PPA2: variants seen among roughly 807,000 people sequenced by gnomAD.
PPA2 encodes the protein inorganic pyrophosphatase 2, also known as inorganic pyrophosphatase 2, mitochondrial.
PPA2 carries 48 observed loss-of-function variants against 49.5 expected under a neutral mutation model. The observed-to-expected ratio is 0.97, with a 90% CI of 0.77 to 1.23. PPA2 has a LOEUF of 1.23. Ranked by LOEUF, PPA2 falls within the 50% of genes most tolerant of loss-of-function variation. PPA2 has a pLI of 0.00. For missense variants in PPA2, 429 were observed against 410.1 expected, an observed-to-expected ratio of 1.05 and a Z score of -0.40; for synonymous variants, 131 against 139.9, an observed-to-expected ratio of 0.94 and a Z score of 0.45.
chr4:105,406,771 A>G (rs1324640985), intron 7 of PPA2, among the ~76,000 whole-genome samples: 1 of 152,174 alleles, frequency 6.6e-6, no homozygotes, highest in African/African-American at 2.4e-5. Flanking sequence ...GTTGAAAGAA[A>G]TCCATGTATA....
intron 6 of PPA2, among the ~76,000 whole-genome samples, chr4:105,432,377 A>G (rs929761366): frequency 1.3e-5 from 2 of 152,236 alleles, no homozygotes; most frequent in Admixed American, 1.3e-4. Context: ...TTAAAGCAAA[A>G]GAACAAACTT....
chr4:105,473,699 G>C (rs1254773742), intron 1 of PPA2, 195 bp downstream of exon 1: 2 of 892,858 alleles, frequency 2.2e-6, no homozygotes, highest in African/African-American at 3.3e-5. Context: ...TTGATCCGCC[G>C]CCTCCTCGCT....
In PPA2 at chr4:105,425,702, T is replaced by C. The variant is rs191333077; in HGVS notation, c.529-1380A>G. On this transcript the variant is annotated intron_variant, in intron 6 of 11. Coordinates refer to ENST00000341695, the MANE Select transcript of PPA2 (RefSeq NM_176869.3). ...TGATGAAAAGTATAAACCCCACAGA[T>C]TGAGAAAGGACACATGCACATACAC... Among the ~76,000 whole-genome samples, 494 of 143,454 alleles carry C rather than the reference T, an allele frequency of 3.4e-3. 7 individuals are homozygous for C. Among genetic ancestry groups the C allele is most frequent in the Non-Finnish European group, 1.2e-3 (79 of 65,980 alleles). The allele number at this position is 143,454 out of a possible 152,430, so 94.1% of individuals were successfully genotyped here. A position where few individuals can be genotyped will look rare whatever the true frequency, so the allele number is the denominator to read the frequency against.
rs1723390439 is a variant in PPA2 at position 105,424,313 on chromosome 4, A to G, written c.538T>C (p.Cys180Arg). 1 of 1,590,998 alleles carries G rather than the reference A, an allele frequency of 6.3e-7. No homozygotes were observed. Among genetic ancestry groups the G allele is most frequent in the Non-Finnish European group, 8.5e-7 (1 of 1,174,474 alleles). ...VCEIGSKILS[C>R]GEVIHVKILG... is the part of the protein sequence containing the mutation. ...ATCTTCACATGAATAACTTCTCCACAAGAAAGAATCTTTAAAGAAAAAAGA... is the reference window on the plus strand; with the variant it reads ...ATCTTCACATGAATAACTTCTCCACGAGAAAGAATCTTTAAAGAAAAAAGA... The change falls in exon 7 of 12, where the codon TGT (cysteine) becomes CGT (arginine). Residue 180 changes from cysteine to arginine, a missense_variant. Transcript: ENST00000341695.
intron 7 of PPA2, among the ~76,000 whole-genome samples, chr4:105,401,234 A>T (rs1578820238): frequency 6.6e-6 from 1 of 152,156 alleles, no homozygotes; most frequent in East Asian, 1.9e-4. Context: ...TATTCAACAT[A>T]AGAAAACTAC....
chr4:105,456,305 A>C (rs1174135199), intron 2 of PPA2: 3 of 456,142 alleles, frequency 6.6e-6, no homozygotes, highest in South Asian at 4.7e-5. Context: ...GGAAAGAAAA[A>C]TAGCAACTCA....
chr4:105,379,425 G>GTAGATAGATAGA (rs369483034), intron 10 of PPA2, among the ~76,000 whole-genome samples: 1,771 of 140,194 alleles, frequency 0.013, 15 homozygotes, highest in Middle Eastern at 0.035. Flanking sequence ...ATCAATATGT[G>GTAGATAGATAGA]TAGATAGATA....
At position 105,405,129 on chromosome 4, in the gene PPA2, A is replaced by AT. The variant is rs940101057; in HGVS notation, c.656-5966dup. 3 of 557,790 alleles carry AT rather than the reference A, an allele frequency of 5.4e-6. No homozygotes were observed. The African/African-American group carries it at 6.1e-5, about 11-fold the overall frequency. The allele number at this position is 557,790 out of a possible 1,614,324, so 34.6% of individuals were successfully genotyped here. ...TAAATAAATACACAAACATGAGTTAATTTTTTTAGAAAAATACTAAACAGA... is the reference window on the plus strand; with the variant it reads ...TAAATAAATACACAAACATGAGTTAATTTTTTTTAGAAAAATACTAAACAGA... On this transcript the variant is annotated intron_variant, in intron 7 of 11. Transcript: ENST00000341695.
chr4:105,453,723 A>G (rs1722760876), intron 2 of PPA2, 81 bp from the exon 3 acceptor site: 3 of 1,095,476 alleles, frequency 2.7e-6, no homozygotes, highest in South Asian at 1.5e-5. Flanking sequence ...AAATATGACT[A>G]TTGTATAGAC....
At chr4:105,438,423 T>A (rs17258325) in intron 5 of PPA2, among the ~76,000 whole-genome samples, 4,887 of 152,290 alleles carry the variant, frequency 0.032, 117 homozygotes, top group Middle Eastern at 0.054. Context: ...CATTCACCGC[T>A]TCCTTTGACC....
intron 1 of PPA2, among the ~76,000 whole-genome samples, chr4:105,467,035 G>T (rs1379670485): frequency 6.6e-6 from 1 of 152,178 alleles, no homozygotes; most frequent in Non-Finnish European, 1.5e-5. Context: ...TTTATTTGGA[G>T]ACTGCCTTTC....
rs72952259 is a variant in PPA2, at chr4:105,449,482, A to G, written c.268-79T>C. ...TTTCCGTTACCTCCCTTATAAGAAT[A>G]CCTTAGATGTTTTCCCCCGACAAAA... On this transcript the variant is annotated intron_variant, in intron 3 of 11. Coordinates refer to ENST00000341695, the MANE Select transcript of PPA2 (RefSeq NM_176869.3). 9.7e-3 allele frequency: 7,924 copies of G among 817,782 alleles called. 452 individuals are homozygous for G. In the African/African-American group the frequency reaches 0.12, roughly 13 times the overall value. The allele number at this position is 817,782 out of a possible 1,614,324, so 50.7% of individuals were successfully genotyped here.
chr4:105,467,473 C>T (rs762241452), intron 1 of PPA2, among the ~76,000 whole-genome samples: 4 of 152,238 alleles, frequency 2.6e-5, no homozygotes, highest in Non-Finnish European at 5.9e-5. Context: ...TAGGACCTTA[C>T]ATGCTATGGT....
chr4:105,380,336 T>A (rs1240815984), intron 10 of PPA2, among the ~76,000 whole-genome samples: 1 of 152,168 alleles, frequency 6.6e-6, no homozygotes. Flanking sequence ...GAATTAGCAG[T>A]GATATTACTT....
At chr4:105,392,423 C>T (rs567625597) in intron 9 of PPA2, among the ~76,000 whole-genome samples, 2 of 151,662 alleles carry the variant, frequency 1.3e-5, no homozygotes, top group African/African-American at 4.8e-5. Context: ...CTGTAATCCC[C>T]GCACTTTGGG....
chr4:105,451,501 T>C (rs917333191), intron 3 of PPA2, among the ~76,000 whole-genome samples: 3 of 152,214 alleles, frequency 2.0e-5, no homozygotes, highest in Non-Finnish European at 4.4e-5. Context: ...TATGTTTCAT[T>C]TTCTATGCTC....
rs546872642 is a variant in PPA2, at chr4:105,456,038, C to T, written c.222+643G>A. The stretch of plus-strand genomic sequence containing the variant: ...ACTAATCATGAGAGATCTCGAAACA[C>T]CCCAACAATTTTGATTTGATAGCAT... On this transcript the variant is annotated intron_variant, in intron 2 of 11. Coordinates refer to ENST00000341695, the MANE Select transcript of PPA2 (RefSeq NM_176869.3). The T allele has an allele frequency of 1.1e-3, 380 of 331,000 alleles. 9 individuals carry two copies. Among genetic ancestry groups the T allele is most frequent in the South Asian group, 0.011 (365 of 33,236 alleles). 20.5% of individuals were successfully genotyped at this position (331,000 alleles called of 1,614,324 possible).
At chr4:105,460,588 C>CA (rs201908284) in intron 1 of PPA2, among the ~76,000 whole-genome samples, 2,293 of 152,234 alleles carry the variant, frequency 0.015, 24 homozygotes, top group Non-Finnish European at 0.021. Context: ...AAAAAAAATA[C>CA]AATCCTTTAA....
intron 11 of PPA2, among the ~76,000 whole-genome samples, chr4:105,370,127 G>A (rs540348598): frequency 2.0e-5 from 3 of 152,230 alleles, no homozygotes; most frequent in Non-Finnish European, 2.9e-5. Context: ...GGATAGTATC[G>A]CAAAGAAACA....
Sources: allele counts gnomAD v4.1 joint callset (sites outside exome capture counted in the v4.1 genomes callset), GRCh38; gene constraint gnomAD v4.1.1; transcripts MANE v1.5; gene names NCBI Gene and HGNC (gene_info 2026-07-23, HGNC 2026-07-21).